The following SV2B variants were observed in gnomAD, a reference collection of about 807,000 sequenced individuals.
The protein encoded by SV2B is solute carrier family 22 member B2.
A neutral mutation model predicts 73.9 loss-of-function variants in SV2B; 41 were observed. That is an observed-to-expected ratio of 0.56 (90% CI 0.43 to 0.72). The LOEUF is 0.72. SV2B is among the 30% of genes least tolerant of loss of function. The pLI, the probability that SV2B is intolerant of heterozygous loss-of-function variation, is 0.00. For missense variants in SV2B, 764 were observed against 857.8 expected (o/e 0.89, Z 1.37); for synonymous variants, 314 against 314.2 (o/e 1.00, Z 0.01).
At chr15:91,175,554 C>G (rs1199115258) in intron 1 of SV2B, among the ~76,000 whole-genome samples, 2 of 151,852 alleles carry the variant, frequency 1.3e-5, no homozygotes, top group African/African-American at 2.4e-5. Flanking sequence ...GCACCCAGCC[C>G]GAGAAGACTT....
In SV2B at chr15:91,278,039, G is replaced by A. The variant is rs115276240; in HGVS notation, c.1374-3689G>A. Among the ~76,000 whole-genome samples, 534 of 152,226 alleles carry A rather than the reference G, an allele frequency of 3.5e-3. 1 individual carries two copies. Among genetic ancestry groups the A allele is most frequent in the African/African-American group, 0.012 (503 of 41,534 alleles). On this transcript the variant is annotated intron_variant, in intron 9 of 12. Coordinates refer to ENST00000394232, the MANE Select transcript of SV2B (RefSeq NM_001323032.3). ...GAGGCACAAGAATGTATGTCCTTAC[G>A]CTATTTGGTTGACGTTGGCACCAGG...
At chr15:91,194,050 G>A (rs765823886) in intron 1 of SV2B, among the ~76,000 whole-genome samples, 16 of 151,934 alleles carry the variant, frequency 1.1e-4, no homozygotes, top group African/African-American at 2.9e-4. Flanking sequence ...CAGGGCACTG[G>A]GATGATGGGT....
At chr15:91,238,919 T>C (rs2046897044) in intron 2 of SV2B, among the ~76,000 whole-genome samples, 3 of 152,140 alleles carry the variant, frequency 2.0e-5, no homozygotes, top group Admixed American at 6.5e-5. Context: ...GTGGAGCTCA[T>C]GACTGCCAGC....
chr15:91,221,693 G>GCGCGCACGCACACA (rs370290337), intron 1 of SV2B, among the ~76,000 whole-genome samples: 1 of 140,068 alleles, frequency 7.1e-6, no homozygotes, highest in African/African-American at 2.8e-5. Context: ...AAGCATGTGC[G>GCGCGCACGCACACA]CACACACACA....
intron 1 of SV2B, among the ~76,000 whole-genome samples, chr15:91,222,262 G>A (rs2046244323): frequency 6.6e-6 from 1 of 152,292 alleles, no homozygotes; most frequent in South Asian, 2.1e-4. Context: ...TCTGTAAAAT[G>A]GGCGCAATAA....
At chr15:91,192,856 C>A (rs1372296947) in intron 1 of SV2B, among the ~76,000 whole-genome samples, 1 of 152,294 alleles carries the variant, frequency 6.6e-6, no homozygotes, top group Admixed American at 6.5e-5. Context: ...CCAAGCTGTG[C>A]TATTTTTCCA....
At chr15:91,249,011 C>A (rs2047367447) in intron 2 of SV2B, among the ~76,000 whole-genome samples, 1 of 151,750 alleles carries the variant, frequency 6.6e-6, no homozygotes, top group African/African-American at 2.4e-5. Context: ...CACATACATG[C>A]AAACACCCAT....
In SV2B at chr15:91,268,376, G is replaced by A. The variant is rs572048641; in HGVS notation, c.1209-65G>A. On this transcript the variant is annotated intron_variant, in intron 8 of 12. Coordinates refer to ENST00000394232, the MANE Select transcript of SV2B (RefSeq NM_001323032.3). The surrounding 1 kb of genome is among the most constrained non-coding windows in gnomAD (Gnocchi z 4.4). ...GTTTGATCTGCATCAAGTCAAGAGT[G>A]TAGACCCTGATCATGAAAGAATGAA... is the stretch of plus-strand genomic sequence containing the variant. 203 of 1,524,778 alleles carry A rather than the reference G, an allele frequency of 1.3e-4. No individual in the cohort carries two copies. The highest frequency in any genetic ancestry group is 7.0e-4 in the Middle Eastern group (4 of 5,750). 94.5% of individuals were successfully genotyped at this position (1,524,778 alleles called of 1,614,324 possible).
chr15:91,284,361 T>A lies in SV2B; in HGVS notation c.1708+140T>A. The A allele has an allele frequency of 1.1e-6, 1 of 929,860 alleles. No individual in the cohort carries two copies. Among genetic ancestry groups the A allele is most frequent in the Non-Finnish European group, 1.6e-6 (1 of 628,370 alleles). The allele number at this position is 929,860 out of a possible 1,614,324, so 57.6% of individuals were successfully genotyped here. A position where few individuals can be genotyped will look rare whatever the true frequency, so the allele number is the denominator to read the frequency against. On this transcript the variant is annotated intron_variant, in intron 11 of 12. Coordinates refer to ENST00000394232, the MANE Select transcript of SV2B (RefSeq NM_001323032.3). This position sits in a 1 kb window ranked among gnomAD's most constrained non-coding sequence, Gnocchi z 4.5. The stretch of plus-strand genomic sequence containing the variant: ...ACAAGTAAGATTGCACCCAGGGCTA[T>A]AGAGCCAAGGATGTGTGCCTACAGA...
At chr15:91,125,359 G>A (rs569672098) in intron 1 of SV2B, among the ~76,000 whole-genome samples, 3 of 152,234 alleles carry the variant, frequency 2.0e-5, no homozygotes, top group African/African-American at 4.8e-5. Context: ...CTGCACTCAT[G>A]ACGTCACATG....
chr15:91,250,357 C>T (rs937426311), intron 2 of SV2B, among the ~76,000 whole-genome samples: 1 of 152,056 alleles, frequency 6.6e-6, no homozygotes, highest in Non-Finnish European at 1.5e-5. Context: ...TATAGAAGGC[C>T]ACATATGGCA....
At position 91,261,823 on chromosome 15, in the gene SV2B, A is replaced by G. The variant is rs2047918653; in HGVS notation, c.1008+1414A>G. 6.6e-6 allele frequency among the ~76,000 whole-genome samples: 1 copy of G among 152,186 alleles called. No individual in the cohort carries two copies. The highest frequency in any genetic ancestry group is 2.1e-4 in the South Asian group (1 of 4,826). On this transcript the variant is annotated intron_variant, in intron 6 of 12. Coordinates refer to ENST00000394232, the MANE Select transcript of SV2B (RefSeq NM_001323032.3). The surrounding 1 kb of genome is among the most constrained non-coding windows in gnomAD (Gnocchi z 4.7). ...AACAAAATGGTAAATGGTAATTTCT[A>G]TGAAGATGGCCTGATAGTTACAGAG...
In SV2B at chr15:91,108,830, C is replaced by A. The variant is rs542627210; in HGVS notation, c.-392+8467C>A. ...TTGATTACAGGTAACGCAACAGTGT[C>A]TCCTGACTTAGCAACAAAGACCCAC... is the stretch of plus-strand genomic sequence containing the variant. On this transcript the variant is annotated intron_variant, in intron 1 of 12. Transcript: ENST00000394232. Among the ~76,000 whole-genome samples, 11 of 152,320 alleles carry A rather than the reference C, an allele frequency of 7.2e-5. No individual in the cohort carries two copies. The South Asian group carries it at 2.1e-3, about 29-fold the overall frequency.
At chr15:91,217,298 T>C (rs1290014969) in intron 1 of SV2B, among the ~76,000 whole-genome samples, 2 of 152,248 alleles carry the variant, frequency 1.3e-5, no homozygotes, top group African/African-American at 4.8e-5. Flanking sequence ...ATCTTGGACC[T>C]GCCCACAATC....
intron 2 of SV2B, among the ~76,000 whole-genome samples, chr15:91,248,997 C>T (rs1370906859): frequency 6.6e-6 from 1 of 151,804 alleles, no homozygotes; most frequent in Non-Finnish European, 1.5e-5. Context: ...TTTATGGGCC[C>T]ATACACATAC....
chr15:91,205,384 T>G (rs78071916), intron 1 of SV2B, among the ~76,000 whole-genome samples: 3 of 149,730 alleles, frequency 2.0e-5, no homozygotes, highest in Non-Finnish European at 4.4e-5. Context: ...TTTTTTTTTT[T>G]AAACACAGGG....
chr15:91,148,074 G>A (rs890088746), intron 1 of SV2B, among the ~76,000 whole-genome samples: 6 of 141,728 alleles, frequency 4.2e-5, no homozygotes, highest in African/African-American at 7.8e-5. Flanking sequence ...TCCGCCTCCC[G>A]GGTTCAAGCA....
At chr15:91,246,076 A>G (rs2141587183) in intron 2 of SV2B, among the ~76,000 whole-genome samples, 1 of 151,990 alleles carries the variant, frequency 6.6e-6, no homozygotes, top group East Asian at 1.9e-4. Flanking sequence ...AAAAAAAAAA[A>G]AAAAAAATCC....
At chr15:91,243,645 T>A (rs2047110630) in intron 2 of SV2B, among the ~76,000 whole-genome samples, 1 of 152,278 alleles carries the variant, frequency 6.6e-6, no homozygotes, top group African/African-American at 2.4e-5. Flanking sequence ...CCCAGAATGT[T>A]GTCTCATGGT....
Sources: allele counts gnomAD v4.1 joint callset (sites outside exome capture counted in the v4.1 genomes callset), GRCh38; gene constraint gnomAD v4.1.1; non-coding constraint Gnocchi (gnomAD v3.1); transcripts MANE v1.5; gene names NCBI Gene and HGNC (gene_info 2026-07-23, HGNC 2026-07-21).